The following NLGN1 variants were observed in gnomAD, a reference collection of about 807,000 sequenced individuals.
NLGN1 encodes neuroligin 1, also known as neuroligin-1.
A neutral mutation model predicts 65.5 loss-of-function variants in NLGN1; 12 were observed. The observed-to-expected ratio is 0.18, with a 90% CI of 0.12 to 0.30. The LOEUF (loss-of-function observed/expected upper bound fraction) is 0.30. Among genes scored for constraint, NLGN1 ranks in the 10% least tolerant of loss-of-function variants. The pLI is 1.00. For synonymous variants in NLGN1, 350 were observed against 359.5 expected, an observed-to-expected ratio of 0.97 and a Z score of 0.30; for missense variants, 750 against 1,007.1, an observed-to-expected ratio of 0.74 and a Z score of 3.46.
intron 4 of NLGN1, among the ~76,000 whole-genome samples, chr3:174,197,637 A>G (rs1733715064): frequency 6.6e-6 from 1 of 151,720 alleles, no homozygotes; most frequent in Non-Finnish European, 1.5e-5. Flanking sequence ...TTCAATGAGG[A>G]CAATACTTTT....
intron 4 of NLGN1, among the ~76,000 whole-genome samples, chr3:174,193,866 T>G (rs1008748794): frequency 6.6e-6 from 1 of 152,198 alleles, no homozygotes; most frequent in Admixed American, 6.5e-5. Flanking sequence ...TTACAAATTC[T>G]TCTCTGACAT....
At chr3:173,529,253 C>T (rs1736148639) in intron 2 of NLGN1, among the ~76,000 whole-genome samples, 1 of 152,116 alleles carries the variant, frequency 6.6e-6, no homozygotes, top group Non-Finnish European at 1.5e-5. Flanking sequence ...TTTGACCTAC[C>T]GGCCAGTAGG....
At chr3:174,090,367 G>A (rs1744277318) in intron 4 of NLGN1, among the ~76,000 whole-genome samples, 1 of 152,082 alleles carries the variant, frequency 6.6e-6, no homozygotes, top group Admixed American at 6.5e-5. Context: ...CACATACTTG[G>A]GGTGCTGAGG....
At chr3:173,826,096 T>A (rs958244638) in intron 4 of NLGN1, among the ~76,000 whole-genome samples, 2 of 152,076 alleles carry the variant, frequency 1.3e-5, no homozygotes, top group African/African-American at 2.4e-5. Flanking sequence ...GATGTTTCTC[T>A]GTCAGCCATG....
intron 4 of NLGN1, among the ~76,000 whole-genome samples, chr3:173,894,137 C>G (rs1735903216): frequency 6.6e-6 from 1 of 152,102 alleles, no homozygotes; most frequent in Non-Finnish European, 1.5e-5. Flanking sequence ...CATTATAGCA[C>G]TTATCACAGG....
chr3:173,841,227 A>G (rs1306906399), intron 4 of NLGN1, among the ~76,000 whole-genome samples: 1 of 152,150 alleles, frequency 6.6e-6, no homozygotes, highest in African/African-American at 2.4e-5. Context: ...TTGTAGCAAT[A>G]TTACAAGTGG....
chr3:174,096,857 C>T (rs1745623742), intron 4 of NLGN1, among the ~76,000 whole-genome samples: 1 of 151,866 alleles, frequency 6.6e-6, no homozygotes, highest in South Asian at 2.1e-4. Context: ...TATTTAGAAA[C>T]AAAAATTTTC....
In NLGN1 at chr3:174,275,565, T is replaced by G. The variant is rs753016528; in HGVS notation, c.859+38T>G. The G allele has an allele frequency of 3.1e-6, 4 of 1,281,076 alleles. No individual in the cohort carries two copies. In the Admixed American group the frequency reaches 6.8e-5, roughly 22 times the overall value. The allele number at this position is 1,281,076 out of a possible 1,614,324, so 79.4% of individuals were successfully genotyped here. A position where few individuals can be genotyped will look rare whatever the true frequency, so the allele number is the denominator to read the frequency against. ...GTTGCAAATTTTGACAATTTTGGTGTCTGCATGCCACCACCATCAGTAGTA... is the reference window on the plus strand; with the variant it reads ...GTTGCAAATTTTGACAATTTTGGTGGCTGCATGCCACCACCATCAGTAGTA... On this transcript the variant is annotated intron_variant, in intron 5 of 6. Transcript: ENST00000457714.
At chr3:173,830,007 TG>T (rs1224774755) in intron 4 of NLGN1, among the ~76,000 whole-genome samples, 4 of 128,654 alleles carry the variant, frequency 3.1e-5, no homozygotes, top group Admixed American at 7.4e-5. Context: ...GTGGGTAGTG[TG>T]GGGGGGGGAG....
chr3:173,790,191 CAT>C (rs1311880602), intron 3 of NLGN1, among the ~76,000 whole-genome samples: 1 of 151,718 alleles, frequency 6.6e-6, no homozygotes, highest in Non-Finnish European at 1.5e-5. Flanking sequence ...TATATATATA[CAT>C]ATGTGTGTGT....
intron 2 of NLGN1, among the ~76,000 whole-genome samples, chr3:173,497,455 G>A (rs1051444580): frequency 3.3e-5 from 5 of 151,382 alleles, no homozygotes; most frequent in African/African-American, 9.7e-5. Flanking sequence ...TAGCTATCCA[G>A]TAAACTAGCA....
chr3:174,023,058 CA>C (rs1417633876), intron 4 of NLGN1, among the ~76,000 whole-genome samples: 1 of 152,086 alleles, frequency 6.6e-6, no homozygotes, highest in African/African-American at 2.4e-5. Context: ...GAGGCGATAG[CA>C]TTCATAAATT....
intron 3 of NLGN1, among the ~76,000 whole-genome samples, chr3:173,792,547 A>C (rs531742832): frequency 6.6e-6 from 1 of 152,276 alleles, no homozygotes; most frequent in African/African-American, 2.4e-5. Flanking sequence ...GATTATAATA[A>C]GAACTTTAAG....
intron 3 of NLGN1, among the ~76,000 whole-genome samples, chr3:173,650,395 A>G (rs1758974028): frequency 6.6e-6 from 1 of 152,204 alleles, no homozygotes; most frequent in Non-Finnish European, 1.5e-5. Context: ...GGAAATTCCT[A>G]GAAAGGGAAC....
intron 2 of NLGN1, among the ~76,000 whole-genome samples, chr3:173,561,231 T>C (rs1742678581): frequency 6.6e-6 from 1 of 152,250 alleles, no homozygotes; most frequent in Non-Finnish European, 1.5e-5. Context: ...TGACATTTGA[T>C]CTGTTTTAGC....
At chr3:174,193,210 G>A (rs1168618036) in intron 4 of NLGN1, among the ~76,000 whole-genome samples, 1 of 152,130 alleles carries the variant, frequency 6.6e-6, no homozygotes, top group Non-Finnish European at 1.5e-5. Context: ...CTAGAGCTTT[G>A]TCTAACAATT....
intron 2 of NLGN1, among the ~76,000 whole-genome samples, chr3:173,564,585 C>T (rs1235264000): frequency 6.6e-6 from 1 of 152,156 alleles, no homozygotes; most frequent in East Asian, 1.9e-4. Context: ...ATCTTCCATA[C>T]TCTTTTCACC....
intron 4 of NLGN1, among the ~76,000 whole-genome samples, chr3:173,886,391 A>AAAG (rs1420072330): frequency 6.6e-6 from 1 of 152,076 alleles, no homozygotes; most frequent in Non-Finnish European, 1.5e-5. Context: ...TAAGGTATAA[A>AAAG]AAGAAGAAGA....
intron 2 of NLGN1, among the ~76,000 whole-genome samples, chr3:173,594,308 G>T (rs1310451211): frequency 6.6e-6 from 1 of 152,170 alleles, no homozygotes; most frequent in Non-Finnish European, 1.5e-5. Flanking sequence ...TTCCAAATGG[G>T]AGAAATTGGC....
Sources: allele counts gnomAD v4.1 joint callset (sites outside exome capture counted in the v4.1 genomes callset), GRCh38; gene constraint gnomAD v4.1.1; transcripts MANE v1.5; gene names NCBI Gene and HGNC (gene_info 2026-07-23, HGNC 2026-07-21).